The following RASAL2 variants were observed in gnomAD, a reference collection of about 807,000 sequenced individuals.
The protein encoded by RASAL2 is ras GTPase-activating protein nGAP.
In RASAL2, 58 loss-of-function variants were observed where a neutral mutation model predicts 128.9. The observed-to-expected ratio is 0.45, with a 90% CI of 0.36 to 0.56. RASAL2 has a LOEUF of 0.56. RASAL2 is among the 20% of genes least tolerant of loss of function. The pLI, the probability that RASAL2 is intolerant of heterozygous loss-of-function variation, is 0.00. For missense variants in RASAL2, 1,360 were observed against 1,601.6 expected (o/e 0.85, Z 2.57); for synonymous variants, 561 against 580.8 (o/e 0.97, Z 0.49).
chr1:178,144,688 T>C (rs1030915235), intron 1 of RASAL2, among the ~76,000 whole-genome samples: 15 of 152,194 alleles, frequency 9.9e-5, no homozygotes, highest in Admixed American at 8.5e-4. Flanking sequence ...AACCATTGTT[T>C]GTAAATGGTT....
At chr1:178,098,613 A>T (rs765499072) in intron 1 of RASAL2, among the ~76,000 whole-genome samples, 3 of 152,172 alleles carry the variant, frequency 2.0e-5, no homozygotes, top group Non-Finnish European at 4.4e-5. Context: ...CATCAGTATG[A>T]CAGGTCTGCA....
chr1:178,337,526 T>C (rs921045031), intron 3 of RASAL2, among the ~76,000 whole-genome samples: 5 of 152,104 alleles, frequency 3.3e-5, no homozygotes, highest in African/African-American at 1.2e-4. Flanking sequence ...ACTGTGTTTA[T>C]GGTTAGAAGA....
At chr1:178,238,657 CTA>C (rs781340865) in intron 1 of RASAL2, among the ~76,000 whole-genome samples, 11 of 151,890 alleles carry the variant, frequency 7.2e-5, no homozygotes, top group East Asian at 3.9e-4. Context: ...TTAGCAATCA[CTA>C]TATATATATG....
At chr1:178,100,544 A>G (rs1021881250) in intron 1 of RASAL2, among the ~76,000 whole-genome samples, 3 of 151,502 alleles carry the variant, frequency 2.0e-5, no homozygotes, top group African/African-American at 7.3e-5. Context: ...AAAAAAAAAA[A>G]GTTGTACAGT....
intron 4 of RASAL2, among the ~76,000 whole-genome samples, chr1:178,395,635 G>A (rs1673165007): frequency 6.6e-6 from 1 of 151,926 alleles, no homozygotes; most frequent in Non-Finnish European, 1.5e-5. Flanking sequence ...TGTATTCCAA[G>A]AGGATACTTA....
At chr1:178,413,520 G>T (rs1215212824) in intron 4 of RASAL2, among the ~76,000 whole-genome samples, 1 of 152,174 alleles carries the variant, frequency 6.6e-6, no homozygotes, top group Admixed American at 6.5e-5. Flanking sequence ...CTGGTTTACT[G>T]CAGTTCCTCT....
chr1:178,187,302 T>C (rs970651586), intron 1 of RASAL2, among the ~76,000 whole-genome samples: 4 of 152,208 alleles, frequency 2.6e-5, no homozygotes, highest in African/African-American at 9.6e-5. Flanking sequence ...TTCTTTGTGG[T>C]ATTTAATCTA....
At chr1:178,338,014 G>A (rs905207402) in intron 3 of RASAL2, among the ~76,000 whole-genome samples, 2 of 152,156 alleles carry the variant, frequency 1.3e-5, no homozygotes, top group African/African-American at 4.8e-5. Flanking sequence ...TTACAGGCGT[G>A]AGCCACTGTG....
chr1:178,299,382 T>A (rs1428924334), intron 2 of RASAL2, among the ~76,000 whole-genome samples: 1 of 152,196 alleles, frequency 6.6e-6, no homozygotes, highest in Non-Finnish European at 1.5e-5. Context: ...GAAAAACATT[T>A]TATTTGTGTG....
chr1:178,148,036 A>C (rs1283463899), intron 1 of RASAL2, among the ~76,000 whole-genome samples: 1 of 152,054 alleles, frequency 6.6e-6, no homozygotes, highest in Non-Finnish European at 1.5e-5. Context: ...ATGCCACTGC[A>C]CTCCAGCCTG....
intron 14 of RASAL2, among the ~76,000 whole-genome samples, chr1:178,463,385 A>G (rs1647313004): frequency 6.6e-6 from 1 of 152,180 alleles, no homozygotes; most frequent in African/African-American, 2.4e-5. Flanking sequence ...TGAAACATAA[A>G]TATTGTAATG....
chr1:178,104,924 A>G (rs757195282), intron 1 of RASAL2, among the ~76,000 whole-genome samples: 19 of 152,224 alleles, frequency 1.2e-4, no homozygotes, highest in Non-Finnish European at 2.5e-4. Context: ...CAGACCCTCC[A>G]ACTGAAATAA....
chr1:178,252,277 T>C (rs1665089721), intron 1 of RASAL2, among the ~76,000 whole-genome samples: 1 of 152,052 alleles, frequency 6.6e-6, no homozygotes, highest in African/African-American at 2.4e-5. Context: ...ATAATAAAAA[T>C]CCAGGGGTAA....
chr1:178,115,116 G>T (rs1388946430), intron 1 of RASAL2, among the ~76,000 whole-genome samples: 2 of 152,064 alleles, frequency 1.3e-5, no homozygotes, highest in Non-Finnish European at 2.9e-5. Flanking sequence ...ATCTACACCC[G>T]GACTTTTCTT....
At position 178,214,749 on chromosome 1, in the gene RASAL2, G is replaced by A. The variant is rs553004925; in HGVS notation, c.203-68815G>A. 6.4e-4 allele frequency among the ~76,000 whole-genome samples: 98 copies of A among 152,092 alleles called. No individual in the cohort carries two copies. The Middle Eastern group carries it at 0.017, about 26-fold the overall frequency. ...AATTTTTTGTATTTTTAGTAGAGAC[G>A]GGGTTTCACTGTGTTAGCCACGATG... On this transcript the variant is annotated intron_variant, in intron 1 of 17. Coordinates refer to ENST00000367649, the MANE Select transcript of RASAL2 (RefSeq NM_170692.4).
At chr1:178,366,592 CG>C (rs67328505) in intron 3 of RASAL2, among the ~76,000 whole-genome samples, 6,305 of 73,058 alleles carry the variant, frequency 0.086, 548 homozygotes, top group African/African-American at 0.31. Flanking sequence ...CACCCCCCCC[CG>C]CCAAAAAAAA....
chr1:178,368,259 T>C (rs576851211), intron 3 of RASAL2, among the ~76,000 whole-genome samples: 7 of 152,204 alleles, frequency 4.6e-5, no homozygotes, highest in Non-Finnish European at 8.8e-5. Context: ...AGTTCTATGA[T>C]TTTCGGTTTC....
At chr1:178,133,425 A>C (rs1346836502) in intron 1 of RASAL2, among the ~76,000 whole-genome samples, 2 of 151,788 alleles carry the variant, frequency 1.3e-5, no homozygotes, top group Non-Finnish European at 2.9e-5. Flanking sequence ...GTGTGCAAGG[A>C]AGTTATTTAA....
intron 3 of RASAL2, among the ~76,000 whole-genome samples, chr1:178,370,562 C>T (rs893552353): frequency 6.6e-6 from 1 of 152,120 alleles, no homozygotes; most frequent in Admixed American, 6.5e-5. Context: ...TTTTCTCAAT[C>T]GTGTGGTACT....
Sources: allele counts gnomAD v4.1 joint callset (sites outside exome capture counted in the v4.1 genomes callset), GRCh38; gene constraint gnomAD v4.1.1; transcripts MANE v1.5; gene names NCBI Gene and HGNC (gene_info 2026-07-23, HGNC 2026-07-21).